TAFA1: variants seen among roughly 807,000 people sequenced by gnomAD.
The protein encoded by TAFA1 is TAFA chemokine like family member 1.
TAFA1 carries 4 observed loss-of-function variants against 18.5 expected under a neutral mutation model. The observed-to-expected ratio is 0.22, with a 90% confidence interval of 0.11 to 0.49. TAFA1 has a LOEUF of 0.49. TAFA1 is among the 20% of genes least tolerant of loss of function. The pLI, the probability that TAFA1 is intolerant of heterozygous loss-of-function variation, is 0.98. For missense variants in TAFA1, 147 were observed against 169.0 expected, an observed-to-expected ratio of 0.87 and a Z score of 0.72; for synonymous variants, 56 against 55.2, an observed-to-expected ratio of 1.01 and a Z score of -0.06.
In TAFA1 at chr3:68,435,139, C is replaced by A. The variant is rs1231271216; in HGVS notation, c.259+17719C>A. 3.3e-5 allele frequency among the ~76,000 whole-genome samples: 5 copies of A among 152,040 alleles called. No homozygotes were observed. In the East Asian group the frequency reaches 9.7e-4, roughly 29 times the overall value. On this transcript the variant is annotated intron_variant, in intron 3 of 4. Coordinates refer to ENST00000478136, the MANE Select transcript of TAFA1 (RefSeq NM_213609.4). ...CAGGAGGGTGTTCTAGATGGCTTCT[C>A]ATCAGAACTAACATCCAGTCTGGGA...
At chr3:68,302,681 T>C (rs188365453) in intron 2 of TAFA1, among the ~76,000 whole-genome samples, 1 of 152,282 alleles carries the variant, frequency 6.6e-6, no homozygotes, top group Admixed American at 6.5e-5. Flanking sequence ...TAAATACCTC[T>C]GGATGACTGG....
At chr3:68,491,686 A>G (rs1484250286) in intron 3 of TAFA1, among the ~76,000 whole-genome samples, 3 of 152,130 alleles carry the variant, frequency 2.0e-5, no homozygotes, top group Non-Finnish European at 4.4e-5. Flanking sequence ...AACTTAAAGT[A>G]TAATAAATAA....
intron 2 of TAFA1, among the ~76,000 whole-genome samples, chr3:68,237,909 A>C (rs1401647380): frequency 2.6e-5 from 4 of 152,196 alleles, no homozygotes; most frequent in Non-Finnish European, 5.9e-5. Flanking sequence ...AGCAGATATA[A>C]AAAGGCATCA....
At chr3:68,483,863 G>C (rs895766624) in intron 3 of TAFA1, among the ~76,000 whole-genome samples, 4 of 152,194 alleles carry the variant, frequency 2.6e-5, no homozygotes, top group Non-Finnish European at 5.9e-5. Flanking sequence ...AACAATAGGA[G>C]GTTGAGGCCA....
intron 2 of TAFA1, among the ~76,000 whole-genome samples, chr3:68,227,146 T>G (rs915909107): frequency 8.7e-6 from 1 of 115,080 alleles, no homozygotes; most frequent in Non-Finnish European, 2.0e-5. Context: ...AAAATGTCTG[T>G]TTTTTTTTGT....
intron 3 of TAFA1, among the ~76,000 whole-genome samples, chr3:68,454,022 A>G (rs1036963319): frequency 6.6e-6 from 1 of 152,232 alleles, no homozygotes; most frequent in Non-Finnish European, 1.5e-5. Flanking sequence ...AAGCAGGTTA[A>G]CAGATGTTCT....
chr3:68,034,324 GCA>G (rs916524902), intron 2 of TAFA1, among the ~76,000 whole-genome samples: 1 of 152,108 alleles, frequency 6.6e-6, no homozygotes, highest in Non-Finnish European at 1.5e-5. Flanking sequence ...TCTGTGCCAG[GCA>G]CTACTCTAGT....
chr3:68,118,649 A>G (rs1237722417), intron 2 of TAFA1, among the ~76,000 whole-genome samples: 4 of 152,172 alleles, frequency 2.6e-5, no homozygotes, highest in African/African-American at 9.7e-5. Context: ...TGACTGACTT[A>G]TTTCACGTAG....
chr3:68,370,741 G>A (rs1327230993), intron 2 of TAFA1, among the ~76,000 whole-genome samples: 2 of 146,438 alleles, frequency 1.4e-5, no homozygotes, highest in African/African-American at 5.0e-5. Context: ...ATTGGAGAAT[G>A]ACTGTTCTCT....
At chr3:68,067,972 CA>C (rs940041292) in intron 2 of TAFA1, among the ~76,000 whole-genome samples, 56 of 151,492 alleles carry the variant, frequency 3.7e-4, no homozygotes, top group African/African-American at 9.0e-4. Context: ...AAAAACAAGA[CA>C]AAAAAAAAGT....
In TAFA1 at chr3:68,166,091, G is replaced by C. The variant is rs189745726; in HGVS notation, c.118+159347G>C. Among the ~76,000 whole-genome samples the C allele has an allele frequency of 1.3e-3, 166 of 128,526 alleles. 1 individual carries two copies. Among genetic ancestry groups the C allele is most frequent in the African/African-American group, 4.4e-3 (164 of 37,230 alleles). The allele number at this position is 128,526 out of a possible 152,430, so 84.3% of individuals were successfully genotyped here. On this transcript the variant is annotated intron_variant, in intron 2 of 4. Transcript: ENST00000478136. ...ATAGAAAATTCTGCGCAAAGTCATA[G>C]AGGTATGAAAGAGCATAGCACATTG...
At chr3:68,148,510 C>G (rs2065769070) in intron 2 of TAFA1, among the ~76,000 whole-genome samples, 1 of 152,138 alleles carries the variant, frequency 6.6e-6, no homozygotes, top group African/African-American at 2.4e-5. Context: ...CACACCAGGC[C>G]CTTGATCTCA....
intron 2 of TAFA1, among the ~76,000 whole-genome samples, chr3:68,187,156 A>G (rs1423242858): frequency 6.6e-6 from 1 of 151,978 alleles, no homozygotes; most frequent in Non-Finnish European, 1.5e-5. Flanking sequence ...TAAAACATGA[A>G]TATTGTCTTT....
chr3:68,038,669 A>T (rs1313522930), intron 2 of TAFA1, among the ~76,000 whole-genome samples: 1 of 136,050 alleles, frequency 7.4e-6, no homozygotes, highest in South Asian at 2.2e-4. Flanking sequence ...AGCTATTGTT[A>T]AAAAAAAAAA....
intron 3 of TAFA1, among the ~76,000 whole-genome samples, chr3:68,512,711 T>A (rs1217730289): frequency 6.6e-6 from 1 of 151,866 alleles, no homozygotes; most frequent in South Asian, 2.1e-4. Flanking sequence ...TTTGTTTGTT[T>A]GTTTGTTTGT....
chr3:68,098,715 A>T (rs940238967), intron 2 of TAFA1, among the ~76,000 whole-genome samples: 1 of 152,168 alleles, frequency 6.6e-6, no homozygotes, highest in Non-Finnish European at 1.5e-5. Context: ...ATCCTAAGCA[A>T]AAAGAACAAG....
chr3:68,380,475 T>A (rs1263101667), intron 2 of TAFA1, among the ~76,000 whole-genome samples: 2 of 152,200 alleles, frequency 1.3e-5, no homozygotes, highest in African/African-American at 4.8e-5. Context: ...TGGTGTGTGA[T>A]GGTATCTCAT....
At chr3:68,526,901 CAT>C (rs1446876153) in intron 3 of TAFA1, among the ~76,000 whole-genome samples, 3 of 151,748 alleles carry the variant, frequency 2.0e-5, no homozygotes, top group African/African-American at 7.3e-5. Context: ...AAATAAGAAA[CAT>C]AAAAAACATT....
chr3:68,375,695 CTA>C (rs1245732805), intron 2 of TAFA1, among the ~76,000 whole-genome samples: 1 of 152,154 alleles, frequency 6.6e-6, no homozygotes, highest in Non-Finnish European at 1.5e-5. Context: ...ACAGTAATAA[CTA>C]ATACTTTTTG....
Sources: gnomAD v4.1 joint callset for allele counts (sites outside exome capture counted in the v4.1 genomes callset) on GRCh38, gnomAD v4.1.1 for gene constraint, MANE v1.5 for transcripts, NCBI Gene and HGNC (gene_info 2026-07-23, HGNC 2026-07-21) for gene names.